The following RHBDD1 variants were observed in gnomAD, a reference collection of about 807,000 sequenced individuals.
RHBDD1 encodes rhomboid-related protein 4.
A neutral mutation model predicts 36.3 loss-of-function variants in RHBDD1; 38 were observed. That is an observed-to-expected ratio of 1.05 (90% CI 0.81 to 1.37). The LOEUF (loss-of-function observed/expected upper bound fraction) is 1.37. RHBDD1 is among the 40% of genes most tolerant of loss of function. RHBDD1 has a pLI of 0.00. For synonymous variants in RHBDD1, 151 were observed against 136.5 expected (o/e 1.11, Z -0.74); for missense variants, 393 against 377.6 (o/e 1.04, Z -0.34).
intron 7 of RHBDD1, among the ~76,000 whole-genome samples, chr2:226,911,435 T>G (rs1948507736): frequency 6.6e-6 from 1 of 152,118 alleles, no homozygotes; most frequent in Non-Finnish European, 1.5e-5. Flanking sequence ...CAGTGACGTC[T>G]CTATAAATAT....
intron 3 of RHBDD1, among the ~76,000 whole-genome samples, chr2:226,843,388 A>G (rs911079220): frequency 1.3e-5 from 2 of 152,148 alleles, no homozygotes; most frequent in Non-Finnish European, 2.9e-5. Context: ...CCCATTCAAT[A>G]TGATATTGGC....
chr2:226,942,139 A>G (rs987711140), intron 8 of RHBDD1, among the ~76,000 whole-genome samples: 4 of 152,168 alleles, frequency 2.6e-5, no homozygotes, highest in Non-Finnish European at 5.9e-5. Context: ...GTAGAGATTA[A>G]CATGGTTTTC....
intron 6 of RHBDD1, among the ~76,000 whole-genome samples, chr2:226,907,937 T>G (rs1948186320): frequency 6.6e-6 from 1 of 152,232 alleles, no homozygotes; most frequent in African/African-American, 2.4e-5. Flanking sequence ...GTTTAATGTC[T>G]TGTTTCTTTT....
intron 5 of RHBDD1, chr2:226,867,580 C>T: frequency 1.0e-6 from 1 of 984,776 alleles, no homozygotes; most frequent in Non-Finnish European, 1.2e-6. Context: ...ACCTGCTATA[C>T]TGATCTGAGG....
intron 8 of RHBDD1, among the ~76,000 whole-genome samples, chr2:226,924,194 A>G (rs545185601): frequency 6.6e-6 from 1 of 152,150 alleles, no homozygotes; most frequent in Non-Finnish European, 1.5e-5. Flanking sequence ...ACAGTGGCCT[A>G]TTCAGGTCCC....
intron 8 of RHBDD1, among the ~76,000 whole-genome samples, chr2:226,964,413 C>A (rs996029140): frequency 6.6e-6 from 1 of 152,158 alleles, no homozygotes; most frequent in Non-Finnish European, 1.5e-5. Flanking sequence ...GTCACACTTT[C>A]CTGGCTTTCC....
At chr2:226,836,769 T>C (rs1018946842) in intron 1 of RHBDD1, among the ~76,000 whole-genome samples, 1 of 152,230 alleles carries the variant, frequency 6.6e-6, no homozygotes, top group African/African-American at 2.4e-5. Context: ...CAGGCTTTTC[T>C]TTTTTCTCTT....
At chr2:226,924,474 A>T (rs1197837972) in intron 8 of RHBDD1, among the ~76,000 whole-genome samples, 1 of 152,096 alleles carries the variant, frequency 6.6e-6, no homozygotes, top group Non-Finnish European at 1.5e-5. Context: ...GCAGTGCCTG[A>T]GGTTGGGAGA....
intron 8 of RHBDD1, among the ~76,000 whole-genome samples, chr2:226,933,125 A>G (rs1464699296): frequency 6.6e-6 from 1 of 152,046 alleles, no homozygotes; most frequent in Non-Finnish European, 1.5e-5. Flanking sequence ...CTATCACGAG[A>G]ACAGCATGGA....
At position 226,865,243 on chromosome 2, in the gene RHBDD1, G is replaced by T. The variant is rs151135233; in HGVS notation, c.433+117G>T. The T allele has an allele frequency of 4.1e-4, 328 of 801,310 alleles. 1 individual carries two copies. Among genetic ancestry groups the T allele is most frequent in the Middle Eastern group, 1.1e-3 (4 of 3,678 alleles). 49.6% of individuals were successfully genotyped at this position (801,310 alleles called of 1,614,324 possible). A position where few individuals can be genotyped will look rare whatever the true frequency, so the allele number is the denominator to read the frequency against. The stretch of plus-strand genomic sequence containing the variant: ...TTCTGAGTGGTTAAGGGCTGCTGAG[G>T]CTTTGCGTCTTGAAGAGGAGGCTGG... On this transcript the variant is annotated intron_variant, in intron 4 of 8. Transcript: ENST00000392062.
chr2:226,861,732 G>A (rs1574846390), intron 3 of RHBDD1, among the ~76,000 whole-genome samples: 1 of 152,296 alleles, frequency 6.6e-6, no homozygotes, highest in South Asian at 2.1e-4. Flanking sequence ...GTGTGTGTGT[G>A]TGGGCACACG....
intron 5 of RHBDD1, among the ~76,000 whole-genome samples, chr2:226,889,595 T>C (rs73992263): frequency 0.021 from 3,143 of 152,306 alleles, 114 homozygotes; most frequent in African/African-American, 0.072. Context: ...GATTTCATTT[T>C]CTCAAAGTGT....
chr2:226,954,250 G>T (rs930642523), intron 8 of RHBDD1, among the ~76,000 whole-genome samples: 6 of 152,112 alleles, frequency 3.9e-5, no homozygotes, highest in African/African-American at 1.4e-4. Context: ...GGAAAGAAGT[G>T]ATTAATTATT....
intron 8 of RHBDD1, among the ~76,000 whole-genome samples, chr2:226,970,462 A>G (rs1953246017): frequency 1.3e-5 from 2 of 152,078 alleles, no homozygotes; most frequent in Admixed American, 1.3e-4. Context: ...TTATCTGTAC[A>G]TGAAGCATCC....
the RHBDD1 span, among the ~76,000 whole-genome samples, chr2:226,817,461 A>G: frequency 1.3e-5 from 2 of 152,246 alleles, no homozygotes; most frequent in African/African-American, 2.4e-5. Context: ...GGGAACCAAG[A>G]GGAAATAACC....
chr2:226,810,833 A>T, the RHBDD1 span: 1 of 152,278 alleles, frequency 6.6e-6, no homozygotes, highest in South Asian at 2.1e-4. Flanking sequence ...AACTAATGTT[A>T]CTGTTGTTTT....
intron 8 of RHBDD1, among the ~76,000 whole-genome samples, chr2:226,918,047 A>C (rs1949038205): frequency 6.6e-6 from 1 of 152,062 alleles, no homozygotes; most frequent in African/African-American, 2.4e-5. Flanking sequence ...ATTAATACTA[A>C]CTCCTATTAG....
At chr2:226,970,505 T>A (rs1190093996) in intron 8 of RHBDD1, among the ~76,000 whole-genome samples, 1 of 152,198 alleles carries the variant, frequency 6.6e-6, no homozygotes, top group African/African-American at 2.4e-5. Flanking sequence ...ATCGTGAACA[T>A]CTGTTGGCTG....
In RHBDD1 at chr2:226,853,523, G is replaced by A. The variant is rs184855524; in HGVS notation, c.-90-11081G>A. On this transcript the variant is annotated intron_variant, in intron 3 of 8. Coordinates refer to ENST00000392062, the MANE Select transcript of RHBDD1 (RefSeq NM_001167608.3). ...GCAGGAAACTGCAGGGCTTCACGGC[G>A]GAACAGCACTGTCTGGTGGGAAGAG... 1.6e-3 allele frequency among the ~76,000 whole-genome samples: 247 copies of A among 152,334 alleles called. 3 individuals carry two copies. The highest frequency in any genetic ancestry group is 0.014 in the Admixed American group (218 of 15,304).
Sources: gnomAD v4.1 joint callset for allele counts (sites outside exome capture counted in the v4.1 genomes callset) on GRCh38, gnomAD v4.1.1 for gene constraint, MANE v1.5 for transcripts, NCBI Gene and HGNC (gene_info 2026-07-23, HGNC 2026-07-21) for gene names.